The following LPP variants were observed in gnomAD, a reference collection of about 807,000 sequenced individuals.
The protein encoded by LPP is LIM domain containing preferred translocation partner in lipoma.
A neutral mutation model predicts 60.4 loss-of-function variants in LPP; 38 were observed. That is an observed-to-expected ratio of 0.63 (90% CI 0.49 to 0.83). The LOEUF (loss-of-function observed/expected upper bound fraction) is 0.83. Among genes scored for constraint, LPP ranks in the 40% least tolerant of loss-of-function variants. The pLI is 0.00. For synonymous variants in LPP, 328 were observed against 290.8 expected (o/e 1.13, Z -1.30); for missense variants, 902 against 783.6 (o/e 1.15, Z -1.80).
intron 9 of LPP, among the ~76,000 whole-genome samples, chr3:188,820,488 C>G (rs572708758): frequency 6.6e-6 from 1 of 152,056 alleles, no homozygotes; most frequent in Non-Finnish European, 1.5e-5. Flanking sequence ...AGGAGGAATA[C>G]TCTTCTCAAA....
chr3:188,861,073 G>A (rs572864068), intron 9 of LPP, among the ~76,000 whole-genome samples: 42 of 152,274 alleles, frequency 2.8e-4, no homozygotes, highest in African/African-American at 8.9e-4. Flanking sequence ...AGATAGTACA[G>A]GTTCCATCCC....
rs150644242 is a variant in LPP at position 188,618,804 on chromosome 3, C to T, written c.1113+8960C>T. On this transcript the variant is annotated intron_variant, in intron 7 of 11. Coordinates refer to ENST00000617246, the MANE Select transcript of LPP (RefSeq NM_001375462.1). ...ATAAGTGTTTGGTATATTTATGCCT[C>T]CTCAAATATGACACCATCTTTTTTT... Among the ~76,000 whole-genome samples the T allele has an allele frequency of 1.5e-3, 224 of 152,208 alleles. 6 individuals carry two copies. In the East Asian group the frequency reaches 0.035, roughly 23 times the overall value.
chr3:188,460,960 A>G (rs1798836166), intron 4 of LPP, among the ~76,000 whole-genome samples: 1 of 152,160 alleles, frequency 6.6e-6, no homozygotes, highest in East Asian at 1.9e-4. Context: ...GAACTAGGCT[A>G]TGTCTTGGGA....
chr3:188,293,671 A>G (rs905411319), intron 2 of LPP, among the ~76,000 whole-genome samples: 2 of 152,238 alleles, frequency 1.3e-5, no homozygotes, highest in African/African-American at 4.8e-5. Context: ...AAAATGTGGC[A>G]TAAAATAAAA....
intron 3 of LPP, among the ~76,000 whole-genome samples, chr3:188,396,233 T>A (rs943145609): frequency 1.1e-4 from 17 of 152,160 alleles, no homozygotes; most frequent in African/African-American, 4.1e-4. Context: ...GAAGGAAAAA[T>A]TAAGAATTTC....
chr3:188,418,151 G>A (rs1786826678), intron 4 of LPP, among the ~76,000 whole-genome samples: 1 of 152,048 alleles, frequency 6.6e-6, no homozygotes. Context: ...GGTTCCTAAA[G>A]ACAAATGAAA....
chr3:188,646,212 AGT>A (rs1167735566), intron 7 of LPP, among the ~76,000 whole-genome samples: 1 of 152,154 alleles, frequency 6.6e-6, no homozygotes, highest in African/African-American at 2.4e-5. Context: ...TAAAAGTATC[AGT>A]GTTTTCTTCT....
chr3:188,393,970 A>G (rs1166987034), intron 3 of LPP, among the ~76,000 whole-genome samples: 2 of 152,180 alleles, frequency 1.3e-5, no homozygotes, highest in Admixed American at 1.3e-4. Flanking sequence ...AAGTGTGATG[A>G]TTTAAATGCC....
intron 9 of LPP, among the ~76,000 whole-genome samples, chr3:188,797,272 T>C (rs1745664639): frequency 6.6e-6 from 1 of 152,154 alleles, no homozygotes; most frequent in African/African-American, 2.4e-5. Context: ...TTGTCACGGA[T>C]TTGCTAGAAG....
intron 9 of LPP, among the ~76,000 whole-genome samples, chr3:188,824,207 C>T (rs764303513): frequency 3.3e-5 from 5 of 151,942 alleles, no homozygotes; most frequent in Non-Finnish European, 7.4e-5. Context: ...ATTCGGGTGG[C>T]GTGAGATTTA....
Position 188,749,534 on chromosome 3 carries a change from A to G in LPP, c.1241-10579A>G, listed in dbSNP as rs114812869. Among the ~76,000 whole-genome samples, 1,057 of 152,322 alleles carry G rather than the reference A, an allele frequency of 6.9e-3. 15 individuals are homozygous for G. Among genetic ancestry groups the G allele is most frequent in the African/African-American group, 0.025 (1,019 of 41,576 alleles). On this transcript the variant is annotated intron_variant, in intron 8 of 11. Coordinates refer to ENST00000617246, the MANE Select transcript of LPP (RefSeq NM_001375462.1). Reference sequence around the variant, plus strand: ...ATTGGCTTCCTAAGGAAGTAGTGTCAGGGGAGAATAGCACCATCTTTGGGG... The same window carrying G: ...ATTGGCTTCCTAAGGAAGTAGTGTCGGGGGAGAATAGCACCATCTTTGGGG...
intron 2 of LPP, among the ~76,000 whole-genome samples, chr3:188,270,272 C>T (rs1440162711): frequency 2.0e-5 from 3 of 151,808 alleles, no homozygotes; most frequent in Non-Finnish European, 2.9e-5. Flanking sequence ...GAACAACCTT[C>T]GTTCCCAAAC....
intron 7 of LPP, among the ~76,000 whole-genome samples, chr3:188,705,669 T>A (rs981528248): frequency 6.6e-6 from 1 of 152,034 alleles, no homozygotes; most frequent in African/African-American, 2.4e-5. Flanking sequence ...GTCACCAAGG[T>A]TGGAATGCAG....
intron 8 of LPP, among the ~76,000 whole-genome samples, chr3:188,719,542 T>G (rs1171990673): frequency 2.0e-5 from 3 of 152,250 alleles, no homozygotes; most frequent in Non-Finnish European, 4.4e-5. Context: ...TTGAATGTTC[T>G]TTGCTTATTA....
intron 3 of LPP, among the ~76,000 whole-genome samples, chr3:188,394,740 G>T (rs1191245482): frequency 6.6e-6 from 1 of 152,132 alleles, no homozygotes; most frequent in African/African-American, 2.4e-5. Flanking sequence ...AATGTCCATA[G>T]ATGTGATTCT....
Position 188,883,801 on chromosome 3 carries a change from G to C in LPP, c.*9322G>C, listed in dbSNP as rs1294865681. 2.0e-5 allele frequency: 4 copies of C among 196,818 alleles called. No individual in the cohort carries two copies. Among genetic ancestry groups the C allele is most frequent in the Non-Finnish European group, 4.2e-5 (4 of 95,390 alleles). 12.2% of individuals were successfully genotyped at this position (196,818 alleles called of 1,614,324 possible). A position where few individuals can be genotyped will look rare whatever the true frequency, so the allele number is the denominator to read the frequency against. On this transcript the variant is annotated 3_prime_UTR_variant, in exon 12 of 12. Coordinates refer to ENST00000617246, the MANE Select transcript of LPP (RefSeq NM_001375462.1). Reference sequence around the variant, plus strand: ...AATCCCCATGTCTAACAAGGAAGAAGTCAAAAGCAAAAGATAGTGGTATTG... The same window carrying C: ...AATCCCCATGTCTAACAAGGAAGAACTCAAAAGCAAAAGATAGTGGTATTG...
At chr3:188,578,212 T>C (rs1382968044) in intron 6 of LPP, among the ~76,000 whole-genome samples, 3 of 152,082 alleles carry the variant, frequency 2.0e-5, no homozygotes, top group Non-Finnish European at 4.4e-5. Context: ...GAGTGGCCAC[T>C]ATGGTCCTTC....
intron 4 of LPP, among the ~76,000 whole-genome samples, chr3:188,419,137 C>T (rs1027212842): frequency 1.3e-5 from 2 of 152,078 alleles, no homozygotes; most frequent in African/African-American, 4.8e-5. Context: ...CAATGTGATT[C>T]CTGGTAGATA....
chr3:188,563,651 T>C (rs1831333027), intron 6 of LPP, among the ~76,000 whole-genome samples: 1 of 151,862 alleles, frequency 6.6e-6, no homozygotes, highest in Non-Finnish European at 1.5e-5. Flanking sequence ...TTACAAACAA[T>C]GTTAAGATGA....
Sources: gnomAD v4.1 joint callset for allele counts (sites outside exome capture counted in the v4.1 genomes callset) on GRCh38, gnomAD v4.1.1 for gene constraint, MANE v1.5 for transcripts, NCBI Gene and HGNC (gene_info 2026-07-23, HGNC 2026-07-21) for gene names.